TRAF3IP1: variants seen among roughly 807,000 people sequenced by gnomAD.
TRAF3IP1 encodes the protein intraflagellar transport 54, also known as TRAF3-interacting protein 1.
In TRAF3IP1, 53 loss-of-function variants were observed where a neutral mutation model predicts 89.9. The observed-to-expected ratio is 0.59, with a 90% CI of 0.47 to 0.74. TRAF3IP1 has a LOEUF of 0.74. Ranked by LOEUF, TRAF3IP1 falls within the 30% of genes least tolerant of loss-of-function variation. The pLI is 0.00. For synonymous variants in TRAF3IP1, 311 were observed against 322.1 expected (o/e 0.97, Z 0.37); for missense variants, 806 against 866.1 (o/e 0.93, Z 0.87).
At chr2:238,352,374 G>C (rs1304068630) in intron 12 of TRAF3IP1, among the ~76,000 whole-genome samples, 1 of 152,218 alleles carries the variant, frequency 6.6e-6, no homozygotes, top group African/African-American at 2.4e-5. Flanking sequence ...GTCAGCCCTG[G>C]TCAGTGGGAC....
At chr2:238,335,845 A>T (rs940170373) in intron 7 of TRAF3IP1, among the ~76,000 whole-genome samples, 1 of 151,392 alleles carries the variant, frequency 6.6e-6, no homozygotes, top group Non-Finnish European at 1.5e-5. Flanking sequence ...CTGTTGCCAG[A>T]CTGGAGTGCA....
At chr2:238,325,266 T>C (rs371896496) in intron 1 of TRAF3IP1, 40 bp from the exon 2 acceptor site, 3 of 1,603,790 alleles carry the variant, frequency 1.9e-6, no homozygotes, top group Non-Finnish European at 2.6e-6. Context: ...GAGGAGGCTG[T>C]CTGTGAGGTG....
intron 15 of TRAF3IP1, among the ~76,000 whole-genome samples, chr2:238,396,329 T>C (rs1187136094): frequency 7.9e-6 from 1 of 126,546 alleles, no homozygotes; most frequent in African/African-American, 3.1e-5. Context: ...AATTGAACAA[T>C]GAGAACACAT....
intron 14 of TRAF3IP1, among the ~76,000 whole-genome samples, chr2:238,355,661 C>G (rs914158006): frequency 3.3e-5 from 5 of 152,216 alleles, no homozygotes; most frequent in Admixed American, 2.6e-4. Context: ...TACTTAGAAG[C>G]ATTTCTTGTT....
intron 7 of TRAF3IP1, among the ~76,000 whole-genome samples, chr2:238,335,371 A>T (rs1004460641): frequency 1.3e-5 from 2 of 152,166 alleles, no homozygotes. Flanking sequence ...AGGATCACTT[A>T]TTCATTGAAT....
intron 15 of TRAF3IP1, among the ~76,000 whole-genome samples, chr2:238,376,443 C>T (rs189696041): frequency 1.3e-3 from 202 of 152,264 alleles, no homozygotes; most frequent in African/African-American, 4.6e-3. Context: ...AAGCCCCTGC[C>T]GCCTTATGCC....
chr2:238,328,631 C>T (rs766912188), intron 3 of TRAF3IP1, 55 bp from the exon 4 acceptor site: 10 of 1,567,680 alleles, frequency 6.4e-6, no homozygotes, highest in African/African-American at 2.7e-5. Flanking sequence ...CTATTTGTTA[C>T]GTGTGCGGAT....
intron 8 of TRAF3IP1, among the ~76,000 whole-genome samples, chr2:238,340,860 CAGAGAGACAGAGACAGAGACAG>C (rs982597102): frequency 9.0e-5 from 13 of 143,998 alleles, no homozygotes; most frequent in Middle Eastern, 3.5e-3. Context: ...GAGAGAGAGA[CAGAGAGACAGAGACAGAGACAG>C]AGTCTCACTC....
chr2:238,373,289 C>T (rs1272398959), intron 15 of TRAF3IP1, among the ~76,000 whole-genome samples: 1 of 151,978 alleles, frequency 6.6e-6, no homozygotes, highest in African/African-American at 2.4e-5. Context: ...GTCTTTAATC[C>T]ATCTTGAATT....
chr2:238,392,563 G>A (rs933959932), intron 15 of TRAF3IP1, among the ~76,000 whole-genome samples: 1 of 140,604 alleles, frequency 7.1e-6, no homozygotes, highest in Non-Finnish European at 1.5e-5. Context: ...CCATGGATTA[G>A]CAGTCTGTTC....
intron 8 of TRAF3IP1, among the ~76,000 whole-genome samples, chr2:238,343,646 CTTTT>C (rs34626636): frequency 3.5e-5 from 4 of 113,460 alleles, no homozygotes; most frequent in Non-Finnish European, 3.6e-5. Context: ...TGTGCTTGGC[CTTTT>C]TTTTTTTTTT....
At chr2:238,398,472 A>G (rs77008212) in intron 16 of TRAF3IP1, among the ~76,000 whole-genome samples, 8,895 of 150,732 alleles carry the variant, frequency 0.059, 380 homozygotes, top group Non-Finnish European at 0.081. Flanking sequence ...CCCAAAGTCA[A>G]TGGGGACTTT....
At chr2:238,342,576 G>T (rs560139801) in intron 8 of TRAF3IP1, among the ~76,000 whole-genome samples, 1 of 152,182 alleles carries the variant, frequency 6.6e-6, no homozygotes, top group South Asian at 2.1e-4. Flanking sequence ...GGTGAATATG[G>T]TAGAGTATGG....
At chr2:238,349,650 C>T (rs1699057254) in intron 12 of TRAF3IP1, among the ~76,000 whole-genome samples, 1 of 152,162 alleles carries the variant, frequency 6.6e-6, no homozygotes, top group Admixed American at 6.5e-5. Context: ...AAATGTTGGA[C>T]TGCATTTCTC....
In TRAF3IP1 at chr2:238,399,523, C is replaced by A. The variant is rs1701380999; in HGVS notation, c.*604C>A. 1 of 152,102 alleles carries A rather than the reference C, an allele frequency of 6.6e-6. No homozygotes were observed. Among genetic ancestry groups the A allele is most frequent in the African/African-American group, 2.4e-5 (1 of 41,410 alleles). The allele number at this position is 152,102 out of a possible 1,614,324, so 9.4% of individuals were successfully genotyped here. On this transcript the variant is annotated 3_prime_UTR_variant, in exon 17 of 17. Coordinates refer to ENST00000373327, the MANE Select transcript of TRAF3IP1 (RefSeq NM_015650.4). ...ATGTACTTCTCTATGTAATTTTCCT[C>A]TTGATCTCTACTATCGTTTGCTTGT... is the stretch of plus-strand genomic sequence containing the variant.
chr2:238,363,911 G>A (rs1699764125), intron 15 of TRAF3IP1, among the ~76,000 whole-genome samples: 1 of 152,086 alleles, frequency 6.6e-6, no homozygotes, highest in Non-Finnish European at 1.5e-5. Context: ...AGCGAGCCGA[G>A]ACTGCACCAC....
intron 15 of TRAF3IP1, among the ~76,000 whole-genome samples, chr2:238,366,412 T>G (rs1164384522): frequency 6.6e-6 from 1 of 152,044 alleles, no homozygotes; most frequent in Non-Finnish European, 1.5e-5. Flanking sequence ...ATAAAGTTCA[T>G]GATAAGGATA....
At position 238,360,794 on chromosome 2, in the gene TRAF3IP1, C is replaced by T. The variant is rs561622155; in HGVS notation, c.1689+4714C>T. Reference sequence around the variant, plus strand: ...ACTCAGGAGGCTGAGGCAGGAGAATCGCTTGAACCTGGGAGGCGGAGGTTG... The same window carrying T: ...ACTCAGGAGGCTGAGGCAGGAGAATTGCTTGAACCTGGGAGGCGGAGGTTG... On this transcript the variant is annotated intron_variant, in intron 15 of 16. Transcript: ENST00000373327. 3.9e-5 allele frequency among the ~76,000 whole-genome samples: 6 copies of T among 152,148 alleles called. No homozygotes were observed. The South Asian group carries it at 6.2e-4, about 16-fold the overall frequency.
At chr2:238,392,873 G>A (rs1701055074) in intron 15 of TRAF3IP1, among the ~76,000 whole-genome samples, 1 of 152,180 alleles carries the variant, frequency 6.6e-6, no homozygotes, top group South Asian at 2.1e-4. Context: ...ACCATGCCTG[G>A]CCAGTCTGTT....
Sources: gnomAD v4.1 joint callset for allele counts (sites outside exome capture counted in the v4.1 genomes callset) on GRCh38, gnomAD v4.1.1 for gene constraint, MANE v1.5 for transcripts, NCBI Gene and HGNC (gene_info 2026-07-23, HGNC 2026-07-21) for gene names.